Variants in NPAS3 observed in about 807,000 individuals in gnomAD.
NPAS3 encodes the protein neuronal PAS domain protein 3.
NPAS3 carries 14 observed loss-of-function variants against 73.1 expected under a neutral mutation model. That is an observed-to-expected ratio of 0.19 (90% CI 0.13 to 0.30). NPAS3 has a LOEUF of 0.30. Ranked by LOEUF, NPAS3 falls within the 10% of genes least tolerant of loss-of-function variation. The pLI, the probability that NPAS3 is intolerant of heterozygous loss-of-function variation, is 1.00. For synonymous variants in NPAS3, 620 were observed against 541.5 expected (o/e 1.14, Z -2.01); for missense variants, 1,096 against 1,250.0 (o/e 0.88, Z 1.86).
chr14:33,498,857 G>A (rs1489448733), intron 4 of NPAS3, among the ~76,000 whole-genome samples: 2 of 151,382 alleles, frequency 1.3e-5, no homozygotes, highest in East Asian at 2.0e-4. Context: ...AAGACATGCA[G>A]TACCACATAA....
At chr14:33,502,410 T>C (rs1362378157) in intron 4 of NPAS3, among the ~76,000 whole-genome samples, 2 of 151,874 alleles carry the variant, frequency 1.3e-5, no homozygotes, top group Non-Finnish European at 2.9e-5. Flanking sequence ...TAGCCAAAGA[T>C]GAGCTCCTGT....
chr14:33,470,973 A>G (rs2050755020), intron 4 of NPAS3, among the ~76,000 whole-genome samples: 1 of 151,654 alleles, frequency 6.6e-6, no homozygotes, highest in Non-Finnish European at 1.5e-5. Context: ...TGAAGTGGAT[A>G]CCAACAATCT....
chr14:33,607,458 G>A (rs2044975923), intron 5 of NPAS3, among the ~76,000 whole-genome samples: 1 of 151,894 alleles, frequency 6.6e-6, no homozygotes, highest in African/African-American at 2.4e-5. Flanking sequence ...GGAAATGCAA[G>A]TTAATATGTA....
At chr14:32,969,115 G>C (rs1365531566) in intron 1 of NPAS3, among the ~76,000 whole-genome samples, 2 of 152,110 alleles carry the variant, frequency 1.3e-5, no homozygotes, top group Non-Finnish European at 2.9e-5. Flanking sequence ...TTGTGGACAG[G>C]CCTTAGTTCC....
chr14:33,762,500 A>G (rs1265183788), intron 7 of NPAS3, among the ~76,000 whole-genome samples: 1 of 152,096 alleles, frequency 6.6e-6, no homozygotes, highest in Non-Finnish European at 1.5e-5. Context: ...TTCAATTTTA[A>G]TTTTTAGAGT....
At chr14:33,039,543 T>C (rs191629733) in intron 1 of NPAS3, among the ~76,000 whole-genome samples, 2 of 152,260 alleles carry the variant, frequency 1.3e-5, no homozygotes, top group East Asian at 3.9e-4. Context: ...ATTCCTGGTG[T>C]GAAATCGATA....
At chr14:33,784,745 A>ATTTATTTATTTTT (rs1471526546) in intron 9 of NPAS3, among the ~76,000 whole-genome samples, 19 of 73,854 alleles carry the variant, frequency 2.6e-4, no homozygotes, top group African/African-American at 1.0e-3. Context: ...TTATTTATTT[A>ATTTATTTATTTTT]TTTTTTTTTT....
At chr14:32,935,335 T>G (rs1440779183), upstream of NPAS3, among the ~76,000 whole-genome samples, 1 of 152,124 alleles carries the variant, frequency 6.6e-6, no homozygotes, top group East Asian at 1.9e-4. Flanking sequence ...CCCTTTCCAG[T>G]GGAATTTTCT....
chr14:33,611,453 T>C (rs1264578560), intron 5 of NPAS3, among the ~76,000 whole-genome samples: 1 of 151,934 alleles, frequency 6.6e-6, no homozygotes, highest in Non-Finnish European at 1.5e-5. Flanking sequence ...GAGGAAGAGG[T>C]GAGATGAGAT....
At chr14:33,059,503 C>T (rs775389253) in intron 2 of NPAS3, among the ~76,000 whole-genome samples, 4 of 152,004 alleles carry the variant, frequency 2.6e-5, no homozygotes, top group Non-Finnish European at 5.9e-5. Context: ...AAAAATACAC[C>T]TCATATTGTA....
chr14:33,217,772 T>C (rs2047279118), intron 3 of NPAS3, among the ~76,000 whole-genome samples: 1 of 152,182 alleles, frequency 6.6e-6, no homozygotes, highest in Non-Finnish European at 1.5e-5. Context: ...CACATGTCAT[T>C]ATTCCCTCAT....
chr14:33,789,117 T>A (rs1239626991), intron 9 of NPAS3, among the ~76,000 whole-genome samples: 1 of 152,164 alleles, frequency 6.6e-6, no homozygotes, highest in Non-Finnish European at 1.5e-5. Context: ...TATTAATATT[T>A]TGACTTCAAC....
At chr14:33,027,294 G>A (rs140458956) in intron 1 of NPAS3, among the ~76,000 whole-genome samples, 1 of 152,176 alleles carries the variant, frequency 6.6e-6, no homozygotes, top group Non-Finnish European at 1.5e-5. Context: ...TGGCAAAATA[G>A]CAAGGCAGTT....
chr14:33,309,472 G>A (rs534841536), intron 3 of NPAS3, among the ~76,000 whole-genome samples: 1 of 152,334 alleles, frequency 6.6e-6, no homozygotes, highest in South Asian at 2.1e-4. Flanking sequence ...AAATGTGTGG[G>A]CTGTGCGACT....
chr14:33,742,462 A>G (rs1006497773), intron 7 of NPAS3, among the ~76,000 whole-genome samples: 1 of 152,236 alleles, frequency 6.6e-6, no homozygotes, highest in African/African-American at 2.4e-5. Context: ...TATTAAGTGT[A>G]CAACAGCATT....
intron 5 of NPAS3, among the ~76,000 whole-genome samples, chr14:33,578,809 C>T (rs549675389): frequency 6.6e-6 from 1 of 152,230 alleles, no homozygotes; most frequent in African/African-American, 2.4e-5. Context: ...TATTCATCAT[C>T]TAATGAAACC....
intron 4 of NPAS3, among the ~76,000 whole-genome samples, chr14:33,539,461 C>T (rs28377669): frequency 0.065 from 9,951 of 151,950 alleles, 958 homozygotes; most frequent in African/African-American, 0.21. Flanking sequence ...ACCTCAGTGT[C>T]TCATTTTCTG....
At chr14:33,541,308 C>T (rs1056030993) in intron 4 of NPAS3, among the ~76,000 whole-genome samples, 1 of 152,138 alleles carries the variant, frequency 6.6e-6, no homozygotes, top group Non-Finnish European at 1.5e-5. Flanking sequence ...GGGTTTGTCA[C>T]TTCTAAAATT....
intron 6 of NPAS3, chr14:33,680,551 A>G (rs2059905497): frequency 1.4e-6 from 1 of 701,134 alleles, no homozygotes; most frequent in East Asian, 2.7e-5. Flanking sequence ...TCTGGTAACT[A>G]GCTTTTTCAT....
Sources: allele counts gnomAD v4.1 joint callset (sites outside exome capture counted in the v4.1 genomes callset), GRCh38; gene constraint gnomAD v4.1.1; transcripts MANE v1.5; gene names NCBI Gene and HGNC (gene_info 2026-07-23, HGNC 2026-07-21).